Variants in PEAK1 observed in about 807,000 individuals in gnomAD.
PEAK1 encodes inactive tyrosine-protein kinase PEAK1.
In PEAK1, 54 loss-of-function variants were observed where a neutral mutation model predicts 124.7. That is an observed-to-expected ratio of 0.43 (90% CI 0.35 to 0.54). PEAK1 has a LOEUF of 0.54. PEAK1 is among the 20% of genes least tolerant of loss of function. PEAK1 has a pLI of 0.01. For synonymous variants in PEAK1, 719 were observed against 760.0 expected, an observed-to-expected ratio of 0.95 and a Z score of 0.89; for missense variants, 2,046 against 2,134.5, an observed-to-expected ratio of 0.96 and a Z score of 0.82.
At chr15:77,266,116 G>C (rs567857553) in intron 5 of PEAK1, among the ~76,000 whole-genome samples, 31 of 152,164 alleles carry the variant, frequency 2.0e-4, no homozygotes, top group South Asian at 6.2e-4. Flanking sequence ...GTGGGGAGAG[G>C]GGGGAGGGAT....
At chr15:77,355,081 C>T (rs189740645) in intron 2 of PEAK1, among the ~76,000 whole-genome samples, 1,585 of 151,482 alleles carry the variant, frequency 0.01, 7 homozygotes, top group Non-Finnish European at 0.017. Flanking sequence ...GCAAATCTGG[C>T]AGGCAAGTGA....
chr15:77,341,023 T>C (rs1412949709), intron 2 of PEAK1, among the ~76,000 whole-genome samples: 1 of 151,728 alleles, frequency 6.6e-6, no homozygotes, highest in Non-Finnish European at 1.5e-5. Flanking sequence ...CAATCACAGA[T>C]CACTGCAACT....
chr15:77,313,286 C>T (rs1384000745), intron 2 of PEAK1, among the ~76,000 whole-genome samples: 2 of 152,084 alleles, frequency 1.3e-5, no homozygotes, highest in African/African-American at 4.8e-5. Flanking sequence ...TAAAGTAATA[C>T]TGGATTAAAA....
At chr15:77,220,217 G>T (rs1216795128) in intron 6 of PEAK1, among the ~76,000 whole-genome samples, 2 of 152,026 alleles carry the variant, frequency 1.3e-5, no homozygotes, top group African/African-American at 2.4e-5. Flanking sequence ...AAATGATGCA[G>T]TCTTGGTAAA....
exon 7 of PEAK1, chr15:77,102,147 G>T (rs1450262280): frequency 6.6e-6 from 1 of 152,220 alleles, no homozygotes; most frequent in East Asian, 1.9e-4. Flanking sequence ...ATCAGAAAAA[G>T]CTGTTAAAAT....
At chr15:77,234,941 G>T (rs751954982) in intron 6 of PEAK1, among the ~76,000 whole-genome samples, 19 of 152,052 alleles carry the variant, frequency 1.2e-4, no homozygotes, top group Non-Finnish European at 2.1e-4. Context: ...CTATTCTCAT[G>T]ATAGTGACTG....
intron 9 of PEAK1, among the ~76,000 whole-genome samples, chr15:77,116,760 C>T (rs142242805): frequency 8.0e-4 from 121 of 151,416 alleles, no homozygotes; most frequent in Non-Finnish European, 1.5e-3. Context: ...ATCTATACCT[C>T]AGCACAAGTT....
At chr15:77,289,137 T>C (rs1001627537) in intron 2 of PEAK1, among the ~76,000 whole-genome samples, 1 of 152,168 alleles carries the variant, frequency 6.6e-6, no homozygotes, top group Non-Finnish European at 1.5e-5. Context: ...TGAAACCATA[T>C]GGCAAAGTTG....
At chr15:77,339,412 C>T (rs1040259611) in intron 2 of PEAK1, among the ~76,000 whole-genome samples, 11 of 151,972 alleles carry the variant, frequency 7.2e-5, no homozygotes, top group African/African-American at 2.7e-4. Flanking sequence ...AGATACAGGT[C>T]ATTATATTAG....
At chr15:77,262,239 G>A (rs1007485402) in intron 5 of PEAK1, among the ~76,000 whole-genome samples, 1 of 152,070 alleles carries the variant, frequency 6.6e-6, no homozygotes, top group Non-Finnish European at 1.5e-5. Flanking sequence ...ATAATGACAG[G>A]ATCAAATTCA....
At chr15:77,375,085 T>C (rs549706602) in intron 1 of PEAK1, among the ~76,000 whole-genome samples, 10 of 152,190 alleles carry the variant, frequency 6.6e-5, no homozygotes, top group Admixed American at 2.0e-4. Flanking sequence ...ATTTTGGTTA[T>C]TAGCACTAAC....
At chr15:77,209,838 A>C (rs1288760953) in intron 6 of PEAK1, among the ~76,000 whole-genome samples, 5 of 152,210 alleles carry the variant, frequency 3.3e-5, no homozygotes, top group Non-Finnish European at 5.9e-5. Context: ...AGACCTGCCA[A>C]AACCTTGATT....
At chr15:77,268,728 T>C (rs2061871234) in intron 5 of PEAK1, among the ~76,000 whole-genome samples, 1 of 151,968 alleles carries the variant, frequency 6.6e-6, no homozygotes. Flanking sequence ...TTATCTAAAA[T>C]CAAGATGAAG....
intron 2 of PEAK1, chr15:77,330,991 G>A: frequency 1.1e-6 from 1 of 899,798 alleles, no homozygotes; most frequent in Non-Finnish European, 1.3e-6. Context: ...GAGTAATTAG[G>A]ATCAAAGTAT....
chr15:77,391,416 T>C (rs1039432356), intron 1 of PEAK1, among the ~76,000 whole-genome samples: 1 of 136,398 alleles, frequency 7.3e-6, no homozygotes, highest in Non-Finnish European at 1.5e-5. Flanking sequence ...CTAAACTTTA[T>C]ATATAAAGGT....
chr15:77,333,559 G>C, intron 2 of PEAK1: 1 of 897,282 alleles, frequency 1.1e-6, no homozygotes, highest in Non-Finnish European at 1.3e-6. Flanking sequence ...ATTTCCTTAT[G>C]TTTTTATTCT....
intron 7 of PEAK1, among the ~76,000 whole-genome samples, chr15:77,170,005 T>C (rs1438319953): frequency 6.6e-6 from 1 of 152,208 alleles, no homozygotes; most frequent in Non-Finnish European, 1.5e-5. Flanking sequence ...GGGATGAAGA[T>C]AATAGGGTCA....
intron 6 of PEAK1, among the ~76,000 whole-genome samples, chr15:77,237,453 G>T (rs2060172707): frequency 6.8e-6 from 1 of 147,346 alleles, no homozygotes; most frequent in Non-Finnish European, 1.5e-5. Flanking sequence ...CAAATATCCA[G>T]TTTTACCTTC....
intron 7 of PEAK1, among the ~76,000 whole-genome samples, chr15:77,163,047 T>A (rs1433057299): frequency 1.3e-5 from 2 of 152,236 alleles, no homozygotes; most frequent in Non-Finnish European, 2.9e-5. Context: ...GAAACACTCC[T>A]ACTTCCGTAA....
Sources: allele counts gnomAD v4.1 joint callset (sites outside exome capture counted in the v4.1 genomes callset), GRCh38; gene constraint gnomAD v4.1.1; transcripts MANE v1.5; gene names NCBI Gene and HGNC (gene_info 2026-07-23, HGNC 2026-07-21).